LDB3: variants seen among roughly 807,000 people sequenced by gnomAD.
LDB3 encodes the protein LIM domain binding 3.
A neutral mutation model predicts 69.0 loss-of-function variants in LDB3; 49 were observed. The ratio of observed to expected loss-of-function variants is 0.71; its 90% confidence interval spans 0.56 to 0.90. The LOEUF is 0.90. Among genes scored for constraint, LDB3 ranks in the 40% least tolerant of loss-of-function variants. LDB3 has a pLI of 0.00. For missense variants in LDB3, 928 were observed against 974.1 expected, an observed-to-expected ratio of 0.95 and a Z score of 0.63; for synonymous variants, 387 against 396.2, an observed-to-expected ratio of 0.98 and a Z score of 0.28.
intron 5 of LDB3, chr10:86,687,419 C>A: frequency 1.3e-6 from 1 of 773,472 alleles, no homozygotes; most frequent in Non-Finnish European, 2.2e-6. Context: ...TTCACCAGGG[C>A]CTTCTGGAAC....
intron 9 of LDB3, among the ~76,000 whole-genome samples, chr10:86,710,653 G>T (rs928938944): frequency 7.9e-5 from 12 of 152,222 alleles, no homozygotes; most frequent in African/African-American, 2.7e-4. Context: ...AAGGAGCCTA[G>T]ACTCGGGAGC....
intron 8 of LDB3, 62 bp downstream of exon 8, chr10:86,706,781 T>A: frequency 6.6e-7 from 1 of 1,522,796 alleles, no homozygotes; most frequent in African/African-American, 1.4e-5. Context: ...CGCCCCACTC[T>A]GGGTCTACCT....
intron 11 of LDB3, 141 bp from the exon 12 acceptor site, chr10:86,718,586 T>C (rs1846961309): frequency 8.5e-7 from 1 of 1,177,052 alleles, no homozygotes; most frequent in Admixed American, 1.7e-5. Flanking sequence ...TGGGTCTTTC[T>C]TCAGAGTGAC....
chr10:86,701,944 C>G (rs1846276116), intron 7 of LDB3, among the ~76,000 whole-genome samples: 1 of 152,178 alleles, frequency 6.6e-6, no homozygotes, highest in Non-Finnish European at 1.5e-5. Context: ...CTGTAGGGTG[C>G]CTTTCACACT....
Position 86,699,847 on chromosome 10 carries a change from T to G in LDB3, c.897-6684T>G. 9.8e-7 allele frequency: 1 copy of G among 1,023,762 alleles called. No homozygotes were observed. Among genetic ancestry groups the G allele is most frequent in the South Asian group, 4.0e-5 (1 of 24,836 alleles). 63.4% of individuals were successfully genotyped at this position (1,023,762 alleles called of 1,614,324 possible). On this transcript the variant is annotated intron_variant, in intron 7 of 13. Coordinates refer to ENST00000361373, the MANE Select transcript of LDB3 (RefSeq NM_007078.3). This position sits in a 1 kb window ranked among gnomAD's most constrained non-coding sequence, Gnocchi z 4.9. Reference sequence around the variant, plus strand: ...GCGCTGCCCGGCTCCCTCGCTGCCCTCTGGAGCTCAGGGCAGCCCGGAATA... The same window carrying G: ...GCGCTGCCCGGCTCCCTCGCTGCCCGCTGGAGCTCAGGGCAGCCCGGAATA...
At chr10:86,685,742 G>A in intron 5 of LDB3, 5 of 1,611,674 alleles carry the variant, frequency 3.1e-6, no homozygotes, top group Non-Finnish European at 4.2e-6. Context: ...TTGCGTGCCA[G>A]CCCCAGCATG....
Position 86,735,893 on chromosome 10 carries a change from A to C in LDB3, c.*2917A>C, listed in dbSNP as rs1467581378. 1.3e-5 allele frequency: 2 copies of C among 151,564 alleles called. No homozygotes were observed. The highest frequency in any genetic ancestry group is 2.4e-5 in the African/African-American group (1 of 41,310). The allele number at this position is 151,564 out of a possible 1,614,324, so 9.4% of individuals were successfully genotyped here. On this transcript the variant is annotated 3_prime_UTR_variant, in exon 14 of 14. Transcript: ENST00000361373. ...AGGAACCTAGCTTTTATAATGTGTT[A>C]ACTTTTTAACTCAGTATTCTGGCTT...
upstream of LDB3, among the ~76,000 whole-genome samples, chr10:86,668,032 G>C (rs565143105): frequency 9.8e-5 from 15 of 152,328 alleles, no homozygotes; most frequent in African/African-American, 3.6e-4. Context: ...GGTTGGCTAT[G>C]CCCAGAGCTG....
At position 86,673,116 on chromosome 10, in the gene LDB3, T is replaced by G. The variant is rs375666295; in HGVS notation, c.93+4332T>G. Reference sequence around the variant, plus strand: ...CTCCACCTCTGCCCAGGAACCATCCTTGGACACAAGAATGGGCCTTGCTGG... The same window carrying G: ...CTCCACCTCTGCCCAGGAACCATCCGTGGACACAAGAATGGGCCTTGCTGG... On this transcript the variant is annotated intron_variant, in intron 2 of 13. Coordinates refer to ENST00000361373, the MANE Select transcript of LDB3 (RefSeq NM_007078.3). Among the ~76,000 whole-genome samples the G allele has an allele frequency of 3.3e-5, 5 of 152,336 alleles. No homozygotes were observed. In the East Asian group the frequency reaches 5.8e-4, roughly 18 times the overall value.
intron 3 of LDB3, 51 bp downstream of exon 3, chr10:86,679,569 G>A (rs1477768885): frequency 1.3e-6 from 2 of 1,598,220 alleles, no homozygotes; most frequent in South Asian, 2.2e-5. Context: ...TGTGGGCATG[G>A]GGCAGGGGCC....
intron 5 of LDB3, among the ~76,000 whole-genome samples, chr10:86,688,049 TCGTG>T (rs1845580459): frequency 1.4e-4 from 2 of 14,120 alleles, no homozygotes; most frequent in Admixed American, 1.6e-3. Flanking sequence ...CCCCCGACCC[TCGTG>T]TGTGTGTGTG....
Position 86,699,796 on chromosome 10 carries a change from G to A in LDB3, c.897-6735G>A, listed in dbSNP as rs1331883846. 9.6e-7 allele frequency: 1 copy of A among 1,045,042 alleles called. No homozygotes were observed. Among genetic ancestry groups the A allele is most frequent in the Non-Finnish European group, 1.2e-6 (1 of 865,708 alleles). The allele number at this position is 1,045,042 out of a possible 1,614,324, so 64.7% of individuals were successfully genotyped here. On this transcript the variant is annotated intron_variant, in intron 7 of 13. Coordinates refer to ENST00000361373, the MANE Select transcript of LDB3 (RefSeq NM_007078.3). This position sits in a 1 kb window ranked among gnomAD's most constrained non-coding sequence, Gnocchi z 4.9. ...CCTAGAATGAGTCACCCGTAGATCA[G>A]GGTCTGGGGAAGAGGCTGATCCCTG...
chr10:86,685,385 G>A (rs1335666007), intron 5 of LDB3, among the ~76,000 whole-genome samples: 2 of 152,150 alleles, frequency 1.3e-5, no homozygotes, highest in Non-Finnish European at 2.9e-5. Context: ...TATGCGGTAC[G>A]AGTGCCCCTG....
chr10:86,694,725 T>G (rs1845926471), intron 7 of LDB3, among the ~76,000 whole-genome samples: 1 of 152,216 alleles, frequency 6.6e-6, no homozygotes, highest in Non-Finnish European at 1.5e-5. Context: ...TGTCTGTGAT[T>G]GAAGCCTAAA....
chr10:86,679,476 A>C lies in LDB3; in HGVS notation c.203A>C (p.Lys68Thr). 1 of 1,614,158 alleles carries C rather than the reference A, an allele frequency of 6.2e-7. No homozygotes were observed. Among genetic ancestry groups the C allele is most frequent in the Non-Finnish European group, 8.5e-7 (1 of 1,180,040 alleles). The change falls in exon 3 of 14, where the codon AAG becomes ACG. Residue 68 changes from lysine (K) to threonine (T), a missense_variant. Transcript: ENST00000361373. ...ATGACCCACCTGGAAGCCCAGAACA[A>C]GATCAAGTCTGCCAGCTACAACTTG... ...DTMTHLEAQN[K>T]IKSASYNLSL...
At chr10:86,703,447 T>C (rs1028879413) in intron 7 of LDB3, among the ~76,000 whole-genome samples, 1 of 152,240 alleles carries the variant, frequency 6.6e-6, no homozygotes, top group Non-Finnish European at 1.5e-5. Context: ...GCCTGCAAGC[T>C]GGGCTGCCCA....
At chr10:86,685,144 T>C (rs887082498) in intron 5 of LDB3, among the ~76,000 whole-genome samples, 1 of 152,042 alleles carries the variant, frequency 6.6e-6, no homozygotes, top group Non-Finnish European at 1.5e-5. Context: ...AGGTCAGGTT[T>C]GGGGGGGCAT....
At chr10:86,712,804 T>A (rs1413134192) in intron 9 of LDB3, among the ~76,000 whole-genome samples, 2 of 152,216 alleles carry the variant, frequency 1.3e-5, no homozygotes, top group African/African-American at 4.8e-5. Context: ...CTCACGCCAG[T>A]AATCCCAGCA....
intron 9 of LDB3, among the ~76,000 whole-genome samples, chr10:86,711,358 C>T (rs1023256353): frequency 6.6e-6 from 1 of 151,996 alleles, no homozygotes; most frequent in Non-Finnish European, 1.5e-5. Context: ...CGAGACGGGC[C>T]GGAGCCGCGG....
Sources: gnomAD v4.1 joint callset for allele counts (sites outside exome capture counted in the v4.1 genomes callset) on GRCh38, gnomAD v4.1.1 for gene constraint, Gnocchi (gnomAD v3.1) non-coding constraint, MANE v1.5 for transcripts, NCBI Gene and HGNC (gene_info 2026-07-23, HGNC 2026-07-21) for gene names.